SRGAP2C: variants seen among roughly 807,000 people sequenced by gnomAD.
The protein encoded by SRGAP2C is SLIT-ROBO Rho GTPase activating protein 2C, also known as SLIT-ROBO Rho GTPase-activating protein 2C.
A neutral mutation model predicts 25.1 loss-of-function variants in SRGAP2C; 15 were observed. The ratio of observed to expected loss-of-function variants is 0.60; its 90% CI spans 0.40 to 0.92. The LOEUF (loss-of-function observed/expected upper bound fraction) is 0.92. Among genes scored for constraint, SRGAP2C ranks in the 40% least tolerant of loss-of-function variants. The pLI is 0.00. For synonymous variants in SRGAP2C, 44 were observed against 96.6 expected, an observed-to-expected ratio of 0.46 and a Z score of 3.19; for missense variants, 144 against 264.4, an observed-to-expected ratio of 0.54 and a Z score of 3.16.
chr1:121,362,552 A>T (rs1553348785), intron 4 of SRGAP2C, among the ~76,000 whole-genome samples: 1 of 150,068 alleles, frequency 6.7e-6, no homozygotes, highest in Non-Finnish European at 1.5e-5. Flanking sequence ...GTCATGGGTA[A>T]GCAACAGGGT....
intron 2 of SRGAP2C, among the ~76,000 whole-genome samples, chr1:121,222,523 G>C (rs1655555353): frequency 6.6e-6 from 1 of 152,124 alleles, no homozygotes; most frequent in African/African-American, 2.4e-5. Flanking sequence ...CAGGTACTTG[G>C]GAGGCTGAGG....
chr1:121,235,047 A>G (rs1655916913), intron 2 of SRGAP2C, among the ~76,000 whole-genome samples: 1 of 126,146 alleles, frequency 7.9e-6, no homozygotes, highest in Admixed American at 8.8e-5. Context: ...TTTGAGGCGG[A>G]GTCTCGCTCC....
intron 6 of SRGAP2C, among the ~76,000 whole-genome samples, chr1:121,374,483 G>C (rs1229753092): frequency 6.6e-6 from 1 of 152,036 alleles, no homozygotes; most frequent in Non-Finnish European, 1.5e-5. Flanking sequence ...GGAGGGGTTG[G>C]GGGTGACTGT....
rs1553339928 is a variant in SRGAP2C, at chr1:121,310,379, G to C, written c.261-14099G>C. ...TTTTCTCCCATGTTGTAGGTTGCCTGTTCACTCTGATGGTAGTTTCTTTTG... is the reference window on the plus strand; with the variant it reads ...TTTTCTCCCATGTTGTAGGTTGCCTCTTCACTCTGATGGTAGTTTCTTTTG... On this transcript the variant is annotated intron_variant, in intron 3 of 9. Transcript: ENST00000367123. 7.1e-4 allele frequency among the ~76,000 whole-genome samples: 97 copies of C among 135,700 alleles called. 3 individuals are homozygous for C. The highest frequency in any genetic ancestry group is 2.5e-3 in the African/African-American group (88 of 34,702). 89.0% of individuals were successfully genotyped at this position (135,700 alleles called of 152,430 possible).
At chr1:121,253,875 C>A (rs1656391740) in intron 2 of SRGAP2C, among the ~76,000 whole-genome samples, 1 of 149,612 alleles carries the variant, frequency 6.7e-6, no homozygotes, top group African/African-American at 2.4e-5. Flanking sequence ...GTGCAGTATA[C>A]TAACCAGGTG....
intron 2 of SRGAP2C, among the ~76,000 whole-genome samples, chr1:121,282,675 C>G (rs1357950980): frequency 2.6e-5 from 4 of 151,732 alleles, no homozygotes; most frequent in African/African-American, 7.3e-5. Flanking sequence ...CCACCTCAGC[C>G]TCCCCAGTAG....
chr1:121,304,549 AG>A (rs1203099419), intron 3 of SRGAP2C, among the ~76,000 whole-genome samples: 1 of 150,986 alleles, frequency 6.6e-6, no homozygotes, highest in African/African-American at 2.4e-5. Context: ...CTGAAAGGCT[AG>A]GGAATGAGTG....
intron 2 of SRGAP2C, among the ~76,000 whole-genome samples, chr1:121,192,413 A>C (rs1553319915): frequency 1.3e-5 from 2 of 151,898 alleles, no homozygotes; most frequent in African/African-American, 4.8e-5. Flanking sequence ...TGCAGCAGTA[A>C]GGTGAACTCC....
intron 2 of SRGAP2C, among the ~76,000 whole-genome samples, chr1:121,212,465 G>A (rs1163915555): frequency 6.6e-6 from 1 of 151,904 alleles, no homozygotes; most frequent in Admixed American, 6.6e-5. Flanking sequence ...CTTAAAAGGA[G>A]CATTTGCAAG....
intron 6 of SRGAP2C, 87 bp from the exon 7 acceptor site, chr1:121,374,739 T>G (rs1219751679): frequency 1.5e-5 from 10 of 680,620 alleles, no homozygotes; most frequent in Non-Finnish European, 2.5e-5. Context: ...ACAATTGTAG[T>G]TCTTGAATAC....
rs587595952 is a variant in SRGAP2C at position 121,259,879 on chromosome 1, G to GTC, written c.68-24912_68-24911dup. ...TTTTTTTTTTTTTTAAAGAGACAAG[G>GTC]TCTCTCTCTCTCTTGCCCAGGTTGG... On this transcript the variant is annotated intron_variant, in intron 2 of 9. Transcript: ENST00000367123. Among the ~76,000 whole-genome samples, 676 of 119,912 alleles carry GTC rather than the reference G, an allele frequency of 5.6e-3. 10 individuals carry two copies. The highest frequency in any genetic ancestry group is 0.021 in the African/African-American group (640 of 30,328). 78.7% of individuals were successfully genotyped at this position (119,912 alleles called of 152,430 possible).
Position 121,235,057 on chromosome 1 carries a change from C to T in SRGAP2C, c.67+47544C>T, listed in dbSNP as rs587614871. On this transcript the variant is annotated intron_variant, in intron 2 of 9. Transcript: ENST00000367123. ...TTTTTTTTGAGGCGGAGTCTCGCTC[C>T]GTCCCCCAGGCTGGAGTGCAGTGGC... Among the ~76,000 whole-genome samples, 463 of 144,632 alleles carry T rather than the reference C, an allele frequency of 3.2e-3. 8 individuals are homozygous for T. Among genetic ancestry groups the T allele is most frequent in the African/African-American group, 0.011 (418 of 37,460 alleles). The allele number at this position is 144,632 out of a possible 152,430, so 94.9% of individuals were successfully genotyped here. A position where few individuals can be genotyped will look rare whatever the true frequency, so the allele number is the denominator to read the frequency against.
chr1:121,267,752 TTTTG>T (rs1656834680), intron 2 of SRGAP2C, among the ~76,000 whole-genome samples: 1 of 110,366 alleles, frequency 9.1e-6, no homozygotes, highest in Admixed American at 1.0e-4. Flanking sequence ...TTGTGAATCC[TTTTG>T]TAGCTATCAT....
In SRGAP2C at chr1:121,310,772, C is replaced by A. The variant is rs1405398810; in HGVS notation, c.261-13706C>A. ...TTATTTCTGAGGGCTCTGTTCTGTT[C>A]CATTGATCTATATCTCTTTTGGTAC... On this transcript the variant is annotated intron_variant, in intron 3 of 9. Coordinates refer to ENST00000367123, the MANE Select transcript of SRGAP2C (RefSeq NM_001329984.2). Among the ~76,000 whole-genome samples, 2 of 86,328 alleles carry A rather than the reference C, an allele frequency of 2.3e-5. 1 individual carries two copies. The highest frequency in any genetic ancestry group is 8.1e-5 in the African/African-American group (2 of 24,772). The allele number at this position is 86,328 out of a possible 152,430, so 56.6% of individuals were successfully genotyped here. A position where few individuals can be genotyped will look rare whatever the true frequency, so the allele number is the denominator to read the frequency against.
intron 4 of SRGAP2C, among the ~76,000 whole-genome samples, chr1:121,357,380 A>G (rs1553347837): frequency 7.2e-6 from 1 of 139,520 alleles, no homozygotes; most frequent in East Asian, 2.2e-4. Context: ...CTAGTTGTAC[A>G]GCCAAGAAGG....
At chr1:121,368,355 AG>A (rs1239226246) in intron 5 of SRGAP2C, among the ~76,000 whole-genome samples, 1 of 149,082 alleles carries the variant, frequency 6.7e-6, no homozygotes, top group Non-Finnish European at 1.5e-5. Flanking sequence ...CAGTGAGCCA[AG>A]ATCGTGCCAC....
At chr1:121,328,405 CTT>C (rs1349930320) in intron 4 of SRGAP2C, among the ~76,000 whole-genome samples, 19 of 151,608 alleles carry the variant, frequency 1.3e-4, no homozygotes, top group African/African-American at 4.6e-4. Context: ...ATCTATAAAA[CTT>C]AATGATTCAC....
intron 7 of SRGAP2C, among the ~76,000 whole-genome samples, chr1:121,375,883 G>GATT (rs1659632052): frequency 6.6e-6 from 1 of 151,414 alleles, no homozygotes; most frequent in Non-Finnish European, 1.5e-5. Flanking sequence ...TTAGGGTCCT[G>GATT]TCAGGAAGGT....
chr1:121,274,929 G>A lies in SRGAP2C; in HGVS notation c.68-9874G>A, dbSNP rs1166945827. On this transcript the variant is annotated intron_variant, in intron 2 of 9. Coordinates refer to ENST00000367123, the MANE Select transcript of SRGAP2C (RefSeq NM_001329984.2). ...CATACTCTTCTGTGTGAACCTTCAA[G>A]TCACAAGGCTTCTCACAGCCTCCTG... Among the ~76,000 whole-genome samples, 27 of 145,630 alleles carry A rather than the reference G, an allele frequency of 1.9e-4. No homozygotes were observed. The East Asian group carries it at 5.4e-3, about 29-fold the overall frequency.
Sources: allele counts gnomAD v4.1 joint callset (sites outside exome capture counted in the v4.1 genomes callset), GRCh38; gene constraint gnomAD v4.1.1; transcripts MANE v1.5; gene names NCBI Gene and HGNC (gene_info 2026-07-23, HGNC 2026-07-21).